PDE1A: variants seen among roughly 807,000 people sequenced by gnomAD.
PDE1A encodes the protein dual specificity calcium/calmodulin-dependent 3',5'-cyclic nucleotide phosphodiesterase 1A.
PDE1A carries 35 observed loss-of-function variants against 61.7 expected under a neutral mutation model. The ratio of observed to expected loss-of-function variants is 0.57; its 90% CI spans 0.43 to 0.75. PDE1A has a LOEUF of 0.75. PDE1A is among the 30% of genes least tolerant of loss of function. The pLI, the probability that PDE1A is intolerant of heterozygous loss-of-function variation, is 0.00. For missense variants in PDE1A, 597 were observed against 630.6 expected (o/e 0.95, Z 0.57); for synonymous variants, 232 against 213.2 (o/e 1.09, Z -0.77).
At chr2:182,187,869 C>T (rs769732098) in intron 11 of PDE1A, among the ~76,000 whole-genome samples, 5 of 151,096 alleles carry the variant, frequency 3.3e-5, no homozygotes, top group Admixed American at 6.6e-5. Context: ...CTCGGCCTCC[C>T]GAGTAGCTGG....
intron 1 of PDE1A, among the ~76,000 whole-genome samples, chr2:182,410,026 T>C (rs1702520697): frequency 6.6e-6 from 1 of 152,146 alleles, no homozygotes; most frequent in Non-Finnish European, 1.5e-5. Context: ...AAAAATTGTA[T>C]AATAAACAGT....
At chr2:182,438,568 G>A (rs924539526) in intron 2 of PDE1A, among the ~76,000 whole-genome samples, 1 of 151,936 alleles carries the variant, frequency 6.6e-6, no homozygotes, top group Non-Finnish European at 1.5e-5. Flanking sequence ...GCCAGTGCTT[G>A]GAAGTTCATC....
At chr2:182,560,335 T>C in the PDE1A span, among the ~76,000 whole-genome samples, 1 of 151,346 alleles carries the variant, frequency 6.6e-6, no homozygotes, top group Non-Finnish European at 1.5e-5. Flanking sequence ...GTCCTTGCGA[T>C]AGTTTACTGA....
chr2:182,413,470 G>T (rs371925374), intron 1 of PDE1A, among the ~76,000 whole-genome samples: 46 of 152,246 alleles, frequency 3.0e-4, no homozygotes, highest in African/African-American at 1.0e-3. Context: ...TAATTGTTTT[G>T]TTAAGAATGA....
intron 7 of PDE1A, among the ~76,000 whole-genome samples, chr2:182,213,044 T>G (rs916251679): frequency 8.6e-5 from 13 of 150,292 alleles, no homozygotes; most frequent in African/African-American, 1.2e-4. Context: ...AGAGCAGTGG[T>G]TCTCCCAGCA....
chr2:182,699,330 T>A, the PDE1A span, among the ~76,000 whole-genome samples: 1 of 152,232 alleles, frequency 6.6e-6, no homozygotes, highest in Non-Finnish European at 1.5e-5. Context: ...TGAGGTTCAC[T>A]AAGTGTCACA....
At chr2:182,213,172 G>T (rs541572662) in intron 7 of PDE1A, among the ~76,000 whole-genome samples, 14 of 150,266 alleles carry the variant, frequency 9.3e-5, no homozygotes, top group East Asian at 2.0e-4. Context: ...CACCTCACAC[G>T]GCAGGGTATT....
At chr2:182,510,334 G>T (rs1293642459) in intron 2 of PDE1A, among the ~76,000 whole-genome samples, 1 of 151,994 alleles carries the variant, frequency 6.6e-6, no homozygotes, top group Non-Finnish European at 1.5e-5. Context: ...CTGGATATGT[G>T]GAATAGTGTG....
the PDE1A span, among the ~76,000 whole-genome samples, chr2:182,574,302 C>A: frequency 6.6e-6 from 1 of 152,150 alleles, no homozygotes; most frequent in African/African-American, 2.4e-5. Context: ...TTTGGCAACA[C>A]CCTCACAGAC....
At chr2:182,193,944 A>G (rs1280744507) in intron 10 of PDE1A, among the ~76,000 whole-genome samples, 1 of 152,146 alleles carries the variant, frequency 6.6e-6, no homozygotes, top group Non-Finnish European at 1.5e-5. Flanking sequence ...GACTAAGTAC[A>G]TTTGTATTAC....
At chr2:182,658,062 A>AAAAAAAAAC in the PDE1A span, among the ~76,000 whole-genome samples, 1 of 114,930 alleles carries the variant, frequency 8.7e-6, no homozygotes, top group African/African-American at 3.0e-5. Context: ...AAAAAAAAAA[A>AAAAAAAAAC]AAAAAAAAAA....
chr2:182,579,107 G>A, the PDE1A span, among the ~76,000 whole-genome samples: 1 of 152,202 alleles, frequency 6.6e-6, no homozygotes, highest in East Asian at 1.9e-4. Context: ...TGAAAGCTCA[G>A]AGCCACTTAA....
At chr2:182,619,858 G>T in the PDE1A span, among the ~76,000 whole-genome samples, 1 of 152,164 alleles carries the variant, frequency 6.6e-6, no homozygotes, top group African/African-American at 2.4e-5. Context: ...CCAGCACCTT[G>T]CAAGGGCCCT....
intron 1 of PDE1A, among the ~76,000 whole-genome samples, chr2:182,371,820 C>CT (rs1458646467): frequency 6.6e-6 from 1 of 152,194 alleles, no homozygotes; most frequent in Non-Finnish European, 1.5e-5. Flanking sequence ...GGGTCTCACT[C>CT]TGTCACCAGG....
intron 1 of PDE1A, among the ~76,000 whole-genome samples, chr2:182,406,736 T>C (rs1702317633): frequency 6.6e-6 from 1 of 152,114 alleles, no homozygotes; most frequent in South Asian, 2.1e-4. Flanking sequence ...TTTTCTTTAG[T>C]TGAAATTGTG....
the PDE1A span, among the ~76,000 whole-genome samples, chr2:182,537,807 A>T: frequency 6.6e-6 from 1 of 152,110 alleles, no homozygotes; most frequent in African/African-American, 2.4e-5. Context: ...GGAAGTAATC[A>T]GAAGAAAAGT....
chr2:182,663,567 C>G, the PDE1A span, among the ~76,000 whole-genome samples: 1 of 152,140 alleles, frequency 6.6e-6, no homozygotes, highest in Non-Finnish European at 1.5e-5. Context: ...CATACTAATG[C>G]AGGAACAGAA....
chr2:182,445,362 C>T (rs748272829), intron 2 of PDE1A, among the ~76,000 whole-genome samples: 46 of 152,022 alleles, frequency 3.0e-4, no homozygotes, highest in Non-Finnish European at 5.9e-5. Flanking sequence ...TAGTTTATGC[C>T]TTGAGCTATC....
At chr2:182,428,456 TATAAC>T (rs1184528610), upstream of PDE1A, among the ~76,000 whole-genome samples, 1 of 152,138 alleles carries the variant, frequency 6.6e-6, no homozygotes, top group Non-Finnish European at 1.5e-5. Context: ...TTATATTATG[TATAAC>T]ATATTTATAT....
Sources: gnomAD v4.1 joint callset for allele counts (sites outside exome capture counted in the v4.1 genomes callset) on GRCh38, gnomAD v4.1.1 for gene constraint, MANE v1.5 for transcripts, NCBI Gene and HGNC (gene_info 2026-07-23, HGNC 2026-07-21) for gene names.